The following RHOU variants were observed in gnomAD, a reference collection of about 807,000 sequenced individuals.
RHOU encodes ras homolog family member U, also known as rho-related GTP-binding protein RhoU.
A neutral mutation model predicts 12.6 loss-of-function variants in RHOU; 8 were observed. The ratio of observed to expected loss-of-function variants is 0.64; its 90% CI spans 0.37 to 1.15. The LOEUF (loss-of-function observed/expected upper bound fraction) is 1.15, where lower values mean the gene tolerates loss of function less well. Ranked by LOEUF, RHOU falls within the 50% of genes most tolerant of loss-of-function variation. The pLI is 0.01. For synonymous variants in RHOU, 161 were observed against 147.4 expected (o/e 1.09, Z -0.67); for missense variants, 258 against 347.0 (o/e 0.74, Z 2.04).
At chr1:228,689,848 T>A in the RHOU span, among the ~76,000 whole-genome samples, 6 of 151,966 alleles carry the variant, frequency 3.9e-5, no homozygotes, top group African/African-American at 9.7e-5. Flanking sequence ...ACGAAACTGG[T>A]CCCTGGCAAC....
At chr1:228,694,303 T>A in the RHOU span, among the ~76,000 whole-genome samples, 2 of 152,176 alleles carry the variant, frequency 1.3e-5, no homozygotes, top group Non-Finnish European at 2.9e-5. Context: ...AGTGGCCTGT[T>A]TTTAGTCTTG....
chr1:228,651,760 C>T, the RHOU span, among the ~76,000 whole-genome samples: 2 of 152,214 alleles, frequency 1.3e-5, no homozygotes, highest in Non-Finnish European at 2.9e-5. Flanking sequence ...GAAGCCAATT[C>T]ATTTTGAAGG....
Position 228,737,437 on chromosome 1 carries a change from C to T in RHOU, c.263-236C>T, listed in dbSNP as rs933998157. Among the ~76,000 whole-genome samples, 3 of 152,100 alleles carry T rather than the reference C, an allele frequency of 2.0e-5. No homozygotes were observed. Among genetic ancestry groups the T allele is most frequent in the African/African-American group, 7.2e-5 (3 of 41,402 alleles). On this transcript the variant is annotated intron_variant, in intron 1 of 2. Coordinates refer to ENST00000366691, the MANE Select transcript of RHOU (RefSeq NM_021205.6). The surrounding 1 kb of genome is among the most constrained non-coding windows in gnomAD (Gnocchi z 4.1). ...GGCCTTTTTAGGGTCACCATCAAAG[C>T]GTTCAGGGATTTGCTGCCTGGTTCA...
the RHOU span, among the ~76,000 whole-genome samples, chr1:228,701,089 G>A: frequency 0.53 from 80,244 of 151,984 alleles, 23,947 homozygotes; most frequent in African/African-American, 0.83. Flanking sequence ...AGCCTGTTTC[G>A]AAAAAAATTA....
the RHOU span, among the ~76,000 whole-genome samples, chr1:228,684,495 A>G: frequency 3.5e-3 from 519 of 150,402 alleles, 1 homozygote; most frequent in African/African-American, 8.2e-3. Flanking sequence ...TGCCCGGCTA[A>G]TTTTTGTATT....
At position 228,738,731 on chromosome 1, in the gene RHOU, C is replaced by G. The variant is rs1020618819; in HGVS notation, c.321+1000C>G. ...TTTAAACCTGAAGATGACATAAGACCGTGGAGCCTTGATCTCCAAGGAACA... is the reference window on the plus strand; with the variant it reads ...TTTAAACCTGAAGATGACATAAGACGGTGGAGCCTTGATCTCCAAGGAACA... On this transcript the variant is annotated intron_variant, in intron 2 of 2. Coordinates refer to ENST00000366691, the MANE Select transcript of RHOU (RefSeq NM_021205.6). The surrounding 1 kb of genome is among the most constrained non-coding windows in gnomAD (Gnocchi z 4.2). 6.6e-6 allele frequency among the ~76,000 whole-genome samples: 1 copy of G among 152,110 alleles called. No homozygotes were observed. Among genetic ancestry groups the G allele is most frequent in the Non-Finnish European group, 1.5e-5 (1 of 68,032 alleles).
the RHOU span, chr1:228,687,787 T>G: frequency 7.4e-7 from 1 of 1,346,578 alleles, no homozygotes; most frequent in Non-Finnish European, 1.1e-6. Context: ...GAATACCTCT[T>G]AGACAAGCAC....
the RHOU span, among the ~76,000 whole-genome samples, chr1:228,659,485 C>G: frequency 2.0e-5 from 3 of 148,940 alleles, no homozygotes; most frequent in East Asian, 5.9e-4. Context: ...CCAACACTAG[C>G]AGAAGGAAGG....
the RHOU span, among the ~76,000 whole-genome samples, chr1:228,675,333 C>A: frequency 6.6e-6 from 1 of 151,604 alleles, no homozygotes. Flanking sequence ...TAGTGTTAGT[C>A]CTTGAACTAT....
the RHOU span, among the ~76,000 whole-genome samples, chr1:228,701,868 A>G: frequency 6.6e-6 from 1 of 151,730 alleles, no homozygotes; most frequent in Non-Finnish European, 1.5e-5. Flanking sequence ...GAATTCTCTT[A>G]TATATGTAGT....
the RHOU span, among the ~76,000 whole-genome samples, chr1:228,718,958 CA>C: frequency 6.6e-6 from 1 of 152,118 alleles, no homozygotes; most frequent in African/African-American, 2.4e-5. Context: ...GTTGAGAGAT[CA>C]AAAGGAAGTA....
At chr1:228,646,735 C>G in the RHOU span, among the ~76,000 whole-genome samples, 1 of 151,870 alleles carries the variant, frequency 6.6e-6, no homozygotes, top group African/African-American at 2.4e-5. Context: ...AATCCACTCC[C>G]CCACACACAG....
the RHOU span, among the ~76,000 whole-genome samples, chr1:228,689,114 C>G: frequency 6.6e-6 from 1 of 152,188 alleles, no homozygotes; most frequent in Non-Finnish European, 1.5e-5. Context: ...CTCCCTCATC[C>G]CTGAATAACC....
chr1:228,654,072 G>A, the RHOU span, among the ~76,000 whole-genome samples: 1 of 151,146 alleles, frequency 6.6e-6, no homozygotes, highest in African/African-American at 2.4e-5. Context: ...TAAGTACCAA[G>A]AATTGCTGTG....
At chr1:228,655,375 T>G in the RHOU span, among the ~76,000 whole-genome samples, 1 of 152,178 alleles carries the variant, frequency 6.6e-6, no homozygotes, top group African/African-American at 2.4e-5. Flanking sequence ...GTGCTGGGAT[T>G]ACAGGCATAA....
At chr1:228,717,864 G>T in the RHOU span, among the ~76,000 whole-genome samples, 1 of 152,142 alleles carries the variant, frequency 6.6e-6, no homozygotes, top group African/African-American at 2.4e-5. Flanking sequence ...GTTAATTCAA[G>T]ATCAGAAGAA....
At chr1:228,661,124 A>T in the RHOU span, among the ~76,000 whole-genome samples, 3 of 152,142 alleles carry the variant, frequency 2.0e-5, no homozygotes, top group African/African-American at 7.2e-5. Flanking sequence ...AATCCAACTT[A>T]CAAGGGATGT....
chr1:228,709,991 C>T, the RHOU span, among the ~76,000 whole-genome samples: 1 of 152,100 alleles, frequency 6.6e-6, no homozygotes, highest in Non-Finnish European at 1.5e-5. Flanking sequence ...ACCACCAATT[C>T]CACAGAAATA....
At chr1:228,703,465 G>T in the RHOU span, among the ~76,000 whole-genome samples, 1 of 151,554 alleles carries the variant, frequency 6.6e-6, no homozygotes, top group African/African-American at 2.4e-5. Flanking sequence ...GGTGATGGTT[G>T]CAGTGAGCTG....
Sources: gnomAD v4.1 joint callset for allele counts (sites outside exome capture counted in the v4.1 genomes callset) on GRCh38, gnomAD v4.1.1 for gene constraint, Gnocchi (gnomAD v3.1) non-coding constraint, MANE v1.5 for transcripts, NCBI Gene and HGNC (gene_info 2026-07-23, HGNC 2026-07-21) for gene names.